The following ASZ1 variants were observed in gnomAD, a reference collection of about 807,000 sequenced individuals.
ASZ1 encodes the protein ankyrin repeat, SAM and basic leucine zipper domain containing 1.
Under a neutral mutation model 61.8 loss-of-function variants are expected in ASZ1, and 67 were observed. That is an observed-to-expected ratio of 1.08 (90% CI 0.89 to 1.33). The LOEUF (loss-of-function observed/expected upper bound fraction) is 1.33. ASZ1 is among the 40% of genes most tolerant of loss of function. ASZ1 has a pLI of 0.00. For synonymous variants in ASZ1, 193 were observed against 192.7 expected, an observed-to-expected ratio of 1.00 and a Z score of -0.01; for missense variants, 577 against 554.5, an observed-to-expected ratio of 1.04 and a Z score of -0.41.
intron 12 of ASZ1, among the ~76,000 whole-genome samples, chr7:117,364,461 G>A (rs1183277315): frequency 2.0e-5 from 3 of 152,064 alleles, no homozygotes; most frequent in South Asian, 2.1e-4. Flanking sequence ...AAGTGAGAGA[G>A]AGAGAAAAGA....
intron 4 of ASZ1, among the ~76,000 whole-genome samples, chr7:117,407,534 T>C (rs748876815): frequency 2.0e-5 from 3 of 152,176 alleles, no homozygotes; most frequent in Non-Finnish European, 4.4e-5. Flanking sequence ...TTTTTTCCTA[T>C]ACATATGTGC....
chr7:117,382,546 T>A (rs752468457), intron 7 of ASZ1, among the ~76,000 whole-genome samples: 4 of 151,976 alleles, frequency 2.6e-5, no homozygotes, highest in Non-Finnish European at 4.4e-5. Flanking sequence ...CCTCTTTAAT[T>A]GCAATAAGTA....
chr7:117,374,240 T>G (rs964820069), intron 10 of ASZ1, among the ~76,000 whole-genome samples: 6 of 152,172 alleles, frequency 3.9e-5, no homozygotes, highest in African/African-American at 7.2e-5. Context: ...ATTGTTTGTA[T>G]GTTTAATTAA....
rs202215395 is a variant in ASZ1, at chr7:117,385,817, G to A, written c.441-8C>T. On this transcript the variant is annotated splice_polypyrimidine_tract_variant and splice_region_variant and intron_variant, in intron 4 of 12. Transcript: ENST00000284629. ...ATTGGGGTCATAAGTCTCCTAAGGA[G>A]GAGGAAGAAAGGAAACATTTGTGTT... 1.0e-5 allele frequency: 16 copies of A among 1,594,976 alleles called. No individual in the cohort carries two copies. Among genetic ancestry groups the A allele is most frequent in the East Asian group, 2.2e-5 (1 of 44,724 alleles).
Position 117,382,970 on chromosome 7 carries a change from A to C in ASZ1, c.812+16T>G, listed in dbSNP as rs764089881. 20 of 1,541,242 alleles carry C rather than the reference A, an allele frequency of 1.3e-5. No individual in the cohort carries two copies. The highest frequency in any genetic ancestry group is 1.7e-5 in the Non-Finnish European group (19 of 1,147,368). On this transcript the variant is annotated intron_variant, in intron 7 of 12. Transcript: ENST00000284629. ...TACTTATAGGTATTCTGTTGAACTA[A>C]AACATGCTATATTACCTAAAAATGT...
At chr7:117,397,746 C>T (rs1796603648) in intron 4 of ASZ1, among the ~76,000 whole-genome samples, 1 of 152,242 alleles carries the variant, frequency 6.6e-6, no homozygotes, top group African/African-American at 2.4e-5. Flanking sequence ...CCCATCTCTC[C>T]ACAGCCTAGT....
At position 117,420,215 on chromosome 7, in the gene ASZ1, T is replaced by C. The variant is rs151015076; in HGVS notation, c.388A>G (p.Lys130Glu). The part of the protein sequence containing the change: ...SAHGSEEQIL[K>E]CVELLLSRNA... ...CTTGAAAGTAGTAGTTCTACACACT[T>C]CAAGATCTGTTCCTCTGAGCCATGA... is the stretch of plus-strand genomic sequence containing the variant. The change falls in exon 4 of 13, where the codon AAG becomes GAG. Residue 130 changes from lysine (K) to glutamate (E), a missense_variant. Coordinates refer to ENST00000284629, the MANE Select transcript of ASZ1 (RefSeq NM_130768.3). The C allele has an allele frequency of 2.5e-4, 400 of 1,612,776 alleles. 2 individuals carry two copies. The highest frequency in any genetic ancestry group is 7.0e-4 in the Admixed American group (42 of 60,008).
intron 4 of ASZ1, among the ~76,000 whole-genome samples, chr7:117,408,933 A>G (rs1796841921): frequency 6.6e-6 from 1 of 151,428 alleles, no homozygotes; most frequent in South Asian, 2.1e-4. Flanking sequence ...ATGTGTCACA[A>G]TAAAAAATCT....
At chr7:117,422,007 T>C (rs1260894796) in intron 3 of ASZ1, among the ~76,000 whole-genome samples, 1 of 152,204 alleles carries the variant, frequency 6.6e-6, no homozygotes, top group Admixed American at 6.5e-5. Flanking sequence ...CTTAAAGATA[T>C]ATAATAACAA....
chr7:117,370,533 A>T (rs1271595156), intron 10 of ASZ1, among the ~76,000 whole-genome samples: 7 of 152,208 alleles, frequency 4.6e-5, no homozygotes, highest in African/African-American at 9.7e-5. Context: ...TTTACAGTAG[A>T]AACAACCAAG....
intron 4 of ASZ1, among the ~76,000 whole-genome samples, chr7:117,400,090 G>A (rs1268072133): frequency 4.6e-5 from 7 of 152,090 alleles, no homozygotes. Flanking sequence ...TATTTGTCAC[G>A]TCTCTGTACT....
chr7:117,406,544 G>A (rs1796785333), intron 4 of ASZ1, among the ~76,000 whole-genome samples: 1 of 152,094 alleles, frequency 6.6e-6, no homozygotes, highest in African/African-American at 2.4e-5. Context: ...ACCTAAGGTT[G>A]CAAGTTCAAG....
chr7:117,399,587 C>T (rs932159879), intron 4 of ASZ1, among the ~76,000 whole-genome samples: 18 of 152,028 alleles, frequency 1.2e-4, no homozygotes, highest in South Asian at 4.2e-4. Flanking sequence ...CTTCATCTAC[C>T]AGGCTTCCTC....
intron 2 of ASZ1, among the ~76,000 whole-genome samples, chr7:117,424,473 CCTT>C (rs990742211): frequency 2.7e-4 from 41 of 152,186 alleles, no homozygotes; most frequent in Admixed American, 2.5e-3. Context: ...AAATCTTTCT[CCTT>C]CTACCTATAT....
At chr7:117,385,382 C>G (rs1046939947) in intron 5 of ASZ1, among the ~76,000 whole-genome samples, 2 of 151,994 alleles carry the variant, frequency 1.3e-5, no homozygotes, top group East Asian at 3.9e-4. Flanking sequence ...GCCTCAGCCT[C>G]CTGAGTAGCT....
At chr7:117,395,009 G>A (rs1796551033) in intron 4 of ASZ1, among the ~76,000 whole-genome samples, 1 of 151,758 alleles carries the variant, frequency 6.6e-6, no homozygotes, top group African/African-American at 2.4e-5. Flanking sequence ...TGTTGAATTT[G>A]TTGTCCCTGT....
intron 10 of ASZ1, among the ~76,000 whole-genome samples, chr7:117,371,337 G>T (rs1336193601): frequency 1.3e-5 from 2 of 151,882 alleles, no homozygotes; most frequent in African/African-American, 4.8e-5. Flanking sequence ...TTAGCTATTA[G>T]GCTGAAAAAA....
At chr7:117,421,648 A>T (rs1301650058) in intron 3 of ASZ1, among the ~76,000 whole-genome samples, 1 of 152,222 alleles carries the variant, frequency 6.6e-6, no homozygotes, top group Admixed American at 6.5e-5. Flanking sequence ...TTGTAGGTAT[A>T]AAATGTAAAA....
intron 4 of ASZ1, among the ~76,000 whole-genome samples, chr7:117,393,344 T>G (rs1260905436): frequency 6.6e-6 from 1 of 152,196 alleles, no homozygotes; most frequent in Non-Finnish European, 1.5e-5. Context: ...TATACTAAAG[T>G]CTTCAAATAT....
Sources: gnomAD v4.1 joint callset for allele counts (sites outside exome capture counted in the v4.1 genomes callset) on GRCh38, gnomAD v4.1.1 for gene constraint, MANE v1.5 for transcripts, NCBI Gene and HGNC (gene_info 2026-07-23, HGNC 2026-07-21) for gene names.